FBP1: variants seen among roughly 807,000 people sequenced by gnomAD.
FBP1 encodes the protein fructose-1,6-bisphosphatase 1.
In FBP1, 22 loss-of-function variants were observed where a neutral mutation model predicts 29.9. The observed-to-expected ratio is 0.74, with a 90% CI of 0.53 to 1.05. The LOEUF is 1.05. Ranked by LOEUF, FBP1 falls within the 50% of genes least tolerant of loss-of-function variation. The pLI is 0.00. For synonymous variants in FBP1, 175 were observed against 178.6 expected, an observed-to-expected ratio of 0.98 and a Z score of 0.16; for missense variants, 345 against 448.2, an observed-to-expected ratio of 0.77 and a Z score of 2.08.
chr9:94,612,962 C>A (rs996075119), intron 3 of FBP1, among the ~76,000 whole-genome samples: 3 of 152,180 alleles, frequency 2.0e-5, no homozygotes, highest in Admixed American at 1.3e-4. Context: ...AAATCAGAAA[C>A]CTCTGGACCC....
chr9:94,609,819 C>T (rs1298606532), intron 4 of FBP1, 102 bp downstream of exon 4: 1 of 1,292,260 alleles, frequency 7.7e-7, no homozygotes, highest in African/African-American at 1.5e-5. Context: ...CCTCCATGGG[C>T]ATCACCTCCC....
chr9:94,604,450 T>C (rs1199517941), intron 6 of FBP1, among the ~76,000 whole-genome samples: 1 of 149,212 alleles, frequency 6.7e-6, no homozygotes, highest in African/African-American at 2.5e-5. Flanking sequence ...AGGTTTTGTG[T>C]TTAAGGGAAC....
chr9:94,613,138 A>C (rs555213542), intron 3 of FBP1, among the ~76,000 whole-genome samples: 1 of 152,272 alleles, frequency 6.6e-6, no homozygotes. Context: ...AGCAGAAACC[A>C]AACCCTACTT....
chr9:94,617,671 G>T, intron 3 of FBP1, 97 bp downstream of exon 3: 2 of 791,444 alleles, frequency 2.5e-6, no homozygotes, highest in South Asian at 1.4e-5. Flanking sequence ...ACAGTTTCAT[G>T]ATCTCCACTC....
At chr9:94,615,099 G>A (rs1169185838) in intron 3 of FBP1, among the ~76,000 whole-genome samples, 1 of 152,064 alleles carries the variant, frequency 6.6e-6, no homozygotes, top group African/African-American at 2.4e-5. Flanking sequence ...TGGTGGAGAT[G>A]GGGTTTCACC....
At chr9:94,613,294 G>T (rs1169192180) in intron 3 of FBP1, among the ~76,000 whole-genome samples, 1 of 152,204 alleles carries the variant, frequency 6.6e-6, no homozygotes. Flanking sequence ...AGTGGGTGTG[G>T]TGGGCATTAT....
chr9:94,603,702 T>G (rs1286645497), intron 6 of FBP1, 130 bp from the exon 7 acceptor site: 5 of 869,624 alleles, frequency 5.7e-6, no homozygotes, highest in Non-Finnish European at 3.8e-6. Context: ...TTTTCCTTCC[T>G]GTGAGGCTGT....
intron 3 of FBP1, among the ~76,000 whole-genome samples, chr9:94,611,294 T>C (rs1233854711): frequency 6.6e-6 from 1 of 152,202 alleles, no homozygotes; most frequent in African/African-American, 2.4e-5. Context: ...CTTCACTTAT[T>C]CTTTTCCTAG....
At chr9:94,609,779 C>G (rs1282772321) in intron 4 of FBP1, 142 bp downstream of exon 4, 2 of 950,522 alleles carry the variant, frequency 2.1e-6, no homozygotes, top group African/African-American at 3.2e-5. Context: ...GTCTCCTGCC[C>G]CCTTTCCACC....
rs527847035 is a variant in FBP1, at chr9:94,612,335, G to A, written c.427-2274C>T. 1.5e-4 allele frequency among the ~76,000 whole-genome samples: 23 copies of A among 152,098 alleles called. No homozygotes were observed. The East Asian group carries it at 2.1e-3, about 14-fold the overall frequency. On this transcript the variant is annotated intron_variant, in intron 3 of 6. Transcript: ENST00000375326. The stretch of plus-strand genomic sequence containing the variant: ...GCCCCTTTTCCCAGAGATTCACCTC[G>A]CCCAGAACCATCCGTGCCGGCCTGT...
rs1485335823 is a variant in FBP1, at chr9:94,639,192, G to C, written c.119C>G (p.Thr40Arg). The part of the protein sequence containing the change: ...ELTQLLNSLC[T>R]AVKAISSAVR... ...CGCCGAAGAGATGGCTTTGACTGCTGTGCAGAGCGAGTTGAGCAGCTGGGT... is the reference window on the plus strand; with the variant it reads ...CGCCGAAGAGATGGCTTTGACTGCTCTGCAGAGCGAGTTGAGCAGCTGGGT... Residue 40 changes from threonine (T) to arginine (R), a missense_variant, in exon 1 of 7, where the codon ACA (threonine) becomes AGA (arginine). By Grantham distance (71) the Thr-to-Arg change is moderately conservative. Coordinates refer to ENST00000375326, the MANE Select transcript of FBP1 (RefSeq NM_000507.4). 2 of 1,605,304 alleles carry C rather than the reference G, an allele frequency of 1.2e-6. No individual in the cohort carries two copies. The highest frequency in any genetic ancestry group is 1.7e-6 in the Non-Finnish European group (2 of 1,176,182).
intron 1 of FBP1, among the ~76,000 whole-genome samples, chr9:94,637,408 T>G (rs533003785): frequency 6.6e-6 from 1 of 151,862 alleles, no homozygotes; most frequent in East Asian, 1.9e-4. Flanking sequence ...TCTTTTTTTT[T>G]TTTTTTTAAG....
Position 94,639,163 on chromosome 9 carries a change from G to GGCAT in FBP1, c.147_148insATGC (p.Arg50MetfsTer21), listed in dbSNP as rs1828244565. The GGCAT allele has an allele frequency of 1.2e-6, 2 of 1,603,562 alleles. No individual in the cohort carries two copies. The highest frequency in any genetic ancestry group is 2.7e-5 in the African/African-American group (2 of 74,856). The stretch of plus-strand genomic sequence containing the variant: ...CACAGGTGCGCGATGCCCGCCTTGC[G>GGCAT]CACCGCCGAAGAGATGGCTTTGACT... On this transcript the variant is annotated frameshift_variant, in exon 1 of 7. Transcript: ENST00000375326. LOFTEE classifies it high-confidence loss of function.
chr9:94,613,785 G>GA (rs35169885), intron 3 of FBP1, among the ~76,000 whole-genome samples: 52,231 of 144,658 alleles, frequency 0.36, 9,348 homozygotes, highest in East Asian at 0.52. Flanking sequence ...AAAAAAAGAA[G>GA]AAAAAAAAAA....
At chr9:94,627,934 T>C (rs1664254951) in intron 1 of FBP1, among the ~76,000 whole-genome samples, 4 of 152,144 alleles carry the variant, frequency 2.6e-5, no homozygotes, top group Admixed American at 2.6e-4. Flanking sequence ...CAGGCCTAGC[T>C]CCCTTCCCCT....
chr9:94,604,009 G>T (rs761365954), intron 6 of FBP1: 1 of 299,490 alleles, frequency 3.3e-6, no homozygotes, highest in African/African-American at 2.2e-5. Context: ...AAAGCAGACC[G>T]GCTCCTCCAA....
chr9:94,637,365 G>A (rs1007477390), intron 1 of FBP1, among the ~76,000 whole-genome samples: 10 of 150,718 alleles, frequency 6.6e-5, no homozygotes, highest in African/African-American at 2.2e-4. Flanking sequence ...TAGCAGGGTT[G>A]TATTTGTTCA....
chr9:94,607,938 A>T (rs1057385754), intron 4 of FBP1, among the ~76,000 whole-genome samples: 1 of 152,192 alleles, frequency 6.6e-6, no homozygotes, highest in South Asian at 2.1e-4. Context: ...TCTTACTTTT[A>T]TGCCTTTTTT....
At chr9:94,639,119 C>A in intron 1 of FBP1, 22 bp downstream of exon 1, 1 of 1,580,748 alleles carries the variant, frequency 6.3e-7, no homozygotes, top group Admixed American at 1.8e-5. Context: ...GGACGGGGCC[C>A]ACCGCCCAAG....
Sources: allele counts gnomAD v4.1 joint callset (sites outside exome capture counted in the v4.1 genomes callset), GRCh38; gene constraint gnomAD v4.1.1; transcripts MANE v1.5; gene names NCBI Gene and HGNC (gene_info 2026-07-23, HGNC 2026-07-21).